The following SLC26A7 variants were observed in gnomAD, a reference collection of about 807,000 sequenced individuals.
SLC26A7 encodes the protein anion exchange transporter.
SLC26A7 carries 59 observed loss-of-function variants against 82.5 expected under a neutral mutation model. The ratio of observed to expected loss-of-function variants is 0.72; its 90% CI spans 0.58 to 0.89. SLC26A7 has a LOEUF of 0.89. SLC26A7 is among the 40% of genes least tolerant of loss of function. The pLI is 0.00. For synonymous variants in SLC26A7, 271 were observed against 274.3 expected, an observed-to-expected ratio of 0.99 and a Z score of 0.12; for missense variants, 820 against 793.0, an observed-to-expected ratio of 1.03 and a Z score of -0.41.
intron 9 of SLC26A7, among the ~76,000 whole-genome samples, chr8:91,348,595 G>A (rs977556288): frequency 1.3e-5 from 2 of 152,194 alleles, no homozygotes; most frequent in African/African-American, 2.4e-5. Flanking sequence ...GATGTGGAAA[G>A]AAGGAGTTAA....
In SLC26A7 at chr8:91,254,683, G is replaced by A. The variant is rs146104999; in HGVS notation, c.193+4839G>A. On this transcript the variant is annotated intron_variant, in intron 2 of 18. Transcript: ENST00000276609. ...AATATAGAGATGTATAAAATAACAT[G>A]TAGATGTATTAATTTCAAAGAAAGA... 2.6e-3 allele frequency among the ~76,000 whole-genome samples: 396 copies of A among 152,236 alleles called. 3 individuals carry two copies. The highest frequency in any genetic ancestry group is 6.2e-3 in the Admixed American group (94 of 15,278).
intron 2 of SLC26A7, among the ~76,000 whole-genome samples, chr8:91,241,407 CT>C (rs1173369120): frequency 6.6e-6 from 1 of 152,016 alleles, no homozygotes; most frequent in Non-Finnish European, 1.5e-5. Context: ...AAACACTTTT[CT>C]ATACTTTCTG....
chr8:91,323,298 G>T (rs1812841865), intron 5 of SLC26A7, among the ~76,000 whole-genome samples: 1 of 152,094 alleles, frequency 6.6e-6, no homozygotes, highest in East Asian at 1.9e-4. Flanking sequence ...GGTTTAATTT[G>T]GATATGAAAC....
intron 2 of SLC26A7, among the ~76,000 whole-genome samples, chr8:91,262,587 C>T (rs1160683052): frequency 2.6e-5 from 4 of 151,892 alleles, no homozygotes; most frequent in Non-Finnish European, 4.4e-5. Context: ...CCCCCGTCCT[C>T]GCATTAGAAT....
chr8:91,389,404 T>C lies in SLC26A7; in HGVS notation c.1742T>C (p.Phe581Ser). 6.2e-7 allele frequency: 1 copy of C among 1,613,844 alleles called. No individual in the cohort carries two copies. Among genetic ancestry groups the C allele is most frequent in the South Asian group, 1.1e-5 (1 of 91,070 alleles). The change falls in exon 16 of 19, where the codon TTT (phenylalanine) becomes TCT (serine). Residue 581 changes from phenylalanine to serine, a missense_variant. Physicochemically the swap from Phe to Ser is radical, Grantham distance 155. Transcript: ENST00000276609. The stretch of plus-strand genomic sequence containing the variant: ...ATCCTGGATTGCAGTGGATTTACCT[T>C]TTTTGACTATTCTGGAGTCTCCATG... ...YLILDCSGFT[F>S]FDYSGVSMLV...
chr8:91,293,297 G>A (rs1396378445), intron 3 of SLC26A7, among the ~76,000 whole-genome samples: 1 of 152,190 alleles, frequency 6.6e-6, no homozygotes, highest in Admixed American at 6.5e-5. Flanking sequence ...CCACTAATAG[G>A]CTGAAAGCCT....
intron 2 of SLC26A7, among the ~76,000 whole-genome samples, chr8:91,252,786 A>G (rs1563644514): frequency 1.3e-5 from 2 of 152,082 alleles, no homozygotes; most frequent in Admixed American, 6.6e-5. Context: ...TTGCCCTGTG[A>G]TTATATTTTG....
rs773012646 is a variant in SLC26A7 at position 91,338,221 on chromosome 8, T to C, written c.867T>C (p.His289=). Residue 289 remains histidine (H), a synonymous_variant, in exon 7 of 19, where the codon CAT becomes CAC. Transcript: ENST00000276609. The part of the protein sequence containing the change: ...ENTYGLEVVG[H]IPQGIPSPRA... ...CATATGGATTAGAAGTAGTTGGTCA[T>C]ATTCCACAAGGGTAATGTAGTCCTT... 4 of 1,605,232 alleles carry C rather than the reference T, an allele frequency of 2.5e-6. No individual in the cohort carries two copies. Among genetic ancestry groups the C allele is most frequent in the Non-Finnish European group, 3.4e-6 (4 of 1,176,604 alleles).
chr8:91,283,612 C>A (rs1811631925), intron 2 of SLC26A7, among the ~76,000 whole-genome samples: 1 of 152,076 alleles, frequency 6.6e-6, no homozygotes, highest in South Asian at 2.1e-4. Context: ...TGGTACTTAG[C>A]CTTTATTCTT....
intron 3 of SLC26A7, among the ~76,000 whole-genome samples, chr8:91,291,055 G>A (rs4554430): frequency 0.69 from 104,343 of 151,914 alleles, 36,465 homozygotes; most frequent in Non-Finnish European, 0.76. Flanking sequence ...ATATATATGT[G>A]TTTATATGTT....
chr8:91,348,078 C>A (rs1025544662), intron 9 of SLC26A7, among the ~76,000 whole-genome samples: 3 of 152,306 alleles, frequency 2.0e-5, no homozygotes, highest in African/African-American at 7.2e-5. Context: ...GCAGCTCAGC[C>A]ACAACTGAAA....
chr8:91,335,518 A>T (rs192738720), intron 6 of SLC26A7, among the ~76,000 whole-genome samples: 32 of 152,318 alleles, frequency 2.1e-4, no homozygotes, highest in African/African-American at 7.7e-4. Flanking sequence ...GATATTAAGA[A>T]ATACTTATTA....
At chr8:91,244,611 C>G (rs1036265452), upstream of SLC26A7, among the ~76,000 whole-genome samples, 3 of 151,806 alleles carry the variant, frequency 2.0e-5, no homozygotes, top group African/African-American at 7.3e-5. Flanking sequence ...TCAAGTGATC[C>G]TCCTGCCTCA....
At chr8:91,364,089 T>C (rs1814125765) in intron 13 of SLC26A7, among the ~76,000 whole-genome samples, 1 of 152,158 alleles carries the variant, frequency 6.6e-6, no homozygotes, top group South Asian at 2.1e-4. Flanking sequence ...ACAGTTTTGC[T>C]CTGCTCATGC....
intron 2 of SLC26A7, among the ~76,000 whole-genome samples, chr8:91,242,929 A>G (rs1810493543): frequency 1.3e-5 from 2 of 152,230 alleles, no homozygotes; most frequent in African/African-American, 4.8e-5. Context: ...ACAATGAACT[A>G]ATTGACTAGA....
At chr8:91,338,285 T>C in intron 7 of SLC26A7, 53 bp downstream of exon 7, 6 of 1,353,708 alleles carry the variant, frequency 4.4e-6, no homozygotes, top group Middle Eastern at 1.8e-4. Context: ...TTATTTTTGA[T>C]GGAGAAAGGG....
intron 2 of SLC26A7, among the ~76,000 whole-genome samples, chr8:91,278,299 C>T (rs568063870): frequency 4.0e-4 from 61 of 151,712 alleles, no homozygotes; most frequent in African/African-American, 1.3e-3. Flanking sequence ...CTGCAAGAGA[C>T]GGGTGAGGCC....
intron 1 of SLC26A7, among the ~76,000 whole-genome samples, chr8:91,217,672 T>C (rs73697149): frequency 0.021 from 3,145 of 152,216 alleles, 97 homozygotes; most frequent in African/African-American, 0.072. Flanking sequence ...GCACTGAGAT[T>C]GGAGGAGTGG....
At chr8:91,238,978 A>G (rs893020677) in intron 2 of SLC26A7, among the ~76,000 whole-genome samples, 1 of 152,212 alleles carries the variant, frequency 6.6e-6, no homozygotes, top group African/African-American at 2.4e-5. Flanking sequence ...ACTATGTGCT[A>G]CTAAGCATAT....
Sources: allele counts gnomAD v4.1 joint callset (sites outside exome capture counted in the v4.1 genomes callset), GRCh38; gene constraint gnomAD v4.1.1; transcripts MANE v1.5; gene names NCBI Gene and HGNC (gene_info 2026-07-23, HGNC 2026-07-21).